The following ARHGEF18 variants were observed in gnomAD, a reference collection of about 807,000 sequenced individuals.
ARHGEF18 encodes rho guanine nucleotide exchange factor 18.
In ARHGEF18, 93 loss-of-function variants were observed where a neutral mutation model predicts 155.7. The ratio of observed to expected loss-of-function variants is 0.60; its 90% CI spans 0.50 to 0.71. The LOEUF (loss-of-function observed/expected upper bound fraction) is 0.71. Ranked by LOEUF, ARHGEF18 falls within the 30% of genes least tolerant of loss-of-function variation. The probability of loss-of-function intolerance (pLI) is 0.00; values close to 1 mark genes in which losing one functional copy is unlikely to be tolerated. For synonymous variants in ARHGEF18, 742 were observed against 753.1 expected (o/e 0.99, Z 0.24); for missense variants, 1,593 against 1,816.1 (o/e 0.88, Z 2.23).
rs1030308521 is a variant in ARHGEF18 at position 7,369,955 on chromosome 19, C to T, written c.16-2857C>T. Among the ~76,000 whole-genome samples the T allele has an allele frequency of 1.2e-4, 18 of 151,280 alleles. No individual in the cohort carries two copies. In the East Asian group the frequency reaches 2.7e-3, roughly 23 times the overall value. ...CTCACGCTTGTAACCCCAGCACTTT[C>T]GGAGGCTGAGCGGGGAGGATCATCT... On this transcript the variant is annotated intron_variant, in intron 2 of 28. Transcript: ENST00000668164.
chr19:7,473,993 A>AG (rs979147435), downstream of ARHGEF18, among the ~76,000 whole-genome samples: 34 of 145,442 alleles, frequency 2.3e-4, no homozygotes, highest in African/African-American at 7.2e-4. Context: ...TAAGAGCTTA[A>AG]AAAAAAAAAA....
intron 10 of ARHGEF18, among the ~76,000 whole-genome samples, chr19:7,405,034 T>A (rs913144033): frequency 3.3e-5 from 5 of 152,100 alleles, no homozygotes; most frequent in Admixed American, 1.3e-4. Context: ...CTTGGCTCAC[T>A]GCAACCTCTG....
At chr19:7,427,153 C>A (rs1973712647) in intron 10 of ARHGEF18, among the ~76,000 whole-genome samples, 1 of 152,154 alleles carries the variant, frequency 6.6e-6, no homozygotes, top group Non-Finnish European at 1.5e-5. Flanking sequence ...GAAAGGCGCA[C>A]ACAGGATGTT....
At chr19:7,380,280 C>T (rs1327167825) in intron 7 of ARHGEF18, among the ~76,000 whole-genome samples, 4 of 151,850 alleles carry the variant, frequency 2.6e-5, no homozygotes, top group African/African-American at 4.8e-5. Context: ...AGATCGAGAC[C>T]ATCCTGACTA....
intron 10 of ARHGEF18, among the ~76,000 whole-genome samples, chr19:7,411,285 T>TTCCTTTCCCTC (rs1972668975): frequency 7.6e-6 from 1 of 131,188 alleles, no homozygotes; most frequent in African/African-American, 2.8e-5. Flanking sequence ...CCTTTCCCTT[T>TTCCTTTCCCTC]CCCTCCCCTC....
intron 10 of ARHGEF18, among the ~76,000 whole-genome samples, chr19:7,429,113 C>G (rs73502886): frequency 0.02 from 2,193 of 107,278 alleles, 57 homozygotes; most frequent in African/African-American, 0.079. Flanking sequence ...GTCGAGGGGC[C>G]GGGGGCTCTG....
rs200904128 is a variant in ARHGEF18, at chr19:7,464,614, G to A, written c.2828G>A (p.Arg943Gln). Residue 943 changes from arginine to glutamine, a missense_variant, in exon 23 of 29, where the codon CGA becomes CAA. By Grantham distance (43) the Arg-to-Gln change is conservative. Coordinates refer to ENST00000668164, the MANE Select transcript of ARHGEF18 (RefSeq NM_001367823.1). Reference protein sequence around the residue: ...SSTDPRPRDWRGPPNSPDLKL... With the variant: ...SSTDPRPRDWQGPPNSPDLKL... ...ACTGACCCCAGGCCCCGAGACTGGC[G>A]AGGCCCCCCAAACAGCCCGGACTTG... is the stretch of plus-strand genomic sequence containing the variant. 55 of 1,613,946 alleles carry A rather than the reference G, an allele frequency of 3.4e-5. 1 individual carries two copies. Among genetic ancestry groups the A allele is most frequent in the South Asian group, 1.6e-4 (15 of 91,078 alleles).
chr19:7,422,884 A>G (rs1973447115), intron 10 of ARHGEF18, among the ~76,000 whole-genome samples: 1 of 151,698 alleles, frequency 6.6e-6, no homozygotes, highest in Admixed American at 6.6e-5. Flanking sequence ...ACACCCAGCT[A>G]CTTTTTGTAT....
Position 7,453,478 on chromosome 19 carries a change from G to A in ARHGEF18, c.1867G>A (p.Asp623Asn), listed in dbSNP as rs1975628825. The change falls in exon 17 of 29, where the codon GAC becomes AAC. Residue 623 changes from aspartate to asparagine, a missense_variant. Physicochemically the swap from Asp to Asn is conservative, Grantham distance 23 (BLOSUM62 1). Coordinates refer to ENST00000668164, the MANE Select transcript of ARHGEF18 (RefSeq NM_001367823.1). ...IIQNTEAGTEDYEDLTQALNL... is the reference protein window; with the variant it reads ...IIQNTEAGTENYEDLTQALNL... The stretch of plus-strand genomic sequence containing the variant: ...GCTATGTGTGGCAGCTGGCACTGAG[G>A]ACTATGAAGACCTGACCCAGGCCTT... 1 of 1,604,634 alleles carries A rather than the reference G, an allele frequency of 6.2e-7. No homozygotes were observed. The highest frequency in any genetic ancestry group is 8.5e-7 in the Non-Finnish European group (1 of 1,173,950).
At chr19:7,405,310 A>T (rs1221837196) in intron 10 of ARHGEF18, among the ~76,000 whole-genome samples, 1 of 152,194 alleles carries the variant, frequency 6.6e-6, no homozygotes, top group Admixed American at 6.5e-5. Flanking sequence ...GCTTGTAGCC[A>T]TGTCATTCCA....
chr19:7,460,692 C>T (rs1037225699), intron 20 of ARHGEF18, among the ~76,000 whole-genome samples: 8 of 152,142 alleles, frequency 5.3e-5, no homozygotes, highest in Non-Finnish European at 4.4e-5. Flanking sequence ...AAGGTTCGCC[C>T]GCGCTCAGTG....
chr19:7,464,338 G>A (rs1600538557), intron 22 of ARHGEF18, among the ~76,000 whole-genome samples: 1 of 152,062 alleles, frequency 6.6e-6, no homozygotes, highest in African/African-American at 2.4e-5. Context: ...GCACCCAGCC[G>A]ATTTTCTGGA....
In ARHGEF18 at chr19:7,462,030, G is replaced by C. The variant is rs1976297707; in HGVS notation, c.2453-122G>C. The C allele has an allele frequency of 3.7e-6, 4 of 1,093,750 alleles. No homozygotes were observed. The Admixed American group carries it at 5.7e-5, about 16-fold the overall frequency. 67.8% of individuals were successfully genotyped at this position (1,093,750 alleles called of 1,614,324 possible). Reference sequence around the variant, plus strand: ...TACCTCCCAGGAATGCAGGACACAAGGGGGCAGCCTACCTCAGGGCAGGGC... The same window carrying C: ...TACCTCCCAGGAATGCAGGACACAACGGGGCAGCCTACCTCAGGGCAGGGC... On this transcript the variant is annotated intron_variant, in intron 20 of 28. Coordinates refer to ENST00000668164, the MANE Select transcript of ARHGEF18 (RefSeq NM_001367823.1). The surrounding 1 kb of genome is among the most constrained non-coding windows in gnomAD (Gnocchi z 4.4).
intron 16 of ARHGEF18, among the ~76,000 whole-genome samples, chr19:7,452,673 T>G (rs1482378086): frequency 6.6e-6 from 1 of 151,452 alleles, no homozygotes; most frequent in Non-Finnish European, 1.5e-5. Context: ...TTCATGTTGG[T>G]CAGGCTGGTC....
At chr19:7,428,683 G>A (rs1334312518) in intron 10 of ARHGEF18, among the ~76,000 whole-genome samples, 2 of 152,068 alleles carry the variant, frequency 1.3e-5, no homozygotes, top group African/African-American at 4.8e-5. Context: ...CTCCAGCCTG[G>A]GCAACAGAGT....
chr19:7,444,196 C>T lies in ARHGEF18; in HGVS notation c.1361-8C>T. The T allele has an allele frequency of 1.2e-6, 2 of 1,610,302 alleles. No individual in the cohort carries two copies. The highest frequency in any genetic ancestry group is 1.7e-6 in the Non-Finnish European group (2 of 1,177,678). ...CATGGCTAAGTCCTGCCGTCTGTGT[C>T]CCTGCAGAGCTGATGCAGACAGAGG... On this transcript the variant is annotated splice_polypyrimidine_tract_variant and splice_region_variant and intron_variant, in intron 13 of 28. Transcript: ENST00000668164. This position sits in a 1 kb window ranked among gnomAD's most constrained non-coding sequence, Gnocchi z 4.7.
intron 10 of ARHGEF18, among the ~76,000 whole-genome samples, chr19:7,415,236 C>T (rs1474475795): frequency 1.3e-5 from 2 of 152,090 alleles, no homozygotes; most frequent in Non-Finnish European, 2.9e-5. Context: ...CCTGGGTTCT[C>T]CCGGGCTTCA....
Position 7,354,378 on chromosome 19 carries a change from G to A in ARHGEF18, c.-111+5137G>A, listed in dbSNP as rs141523674. Reference sequence around the variant, plus strand: ...CCCAGCACTTTGGGAGGCTGATTTGGGGCTGGGGGTGATTTGGGGCTGGGA... The same window carrying A: ...CCCAGCACTTTGGGAGGCTGATTTGAGGCTGGGGGTGATTTGGGGCTGGGA... On this transcript the variant is annotated intron_variant, in intron 1 of 28. Transcript: ENST00000668164. Among the ~76,000 whole-genome samples, 343 of 150,922 alleles carry A rather than the reference G, an allele frequency of 2.3e-3. 2 individuals are homozygous for A. Among genetic ancestry groups the A allele is most frequent in the African/African-American group, 7.8e-3 (323 of 41,488 alleles).
At chr19:7,467,192 G>GCCTGGC (rs1470779707) in intron 25 of ARHGEF18, 22 bp from the exon 26 acceptor site, 1 of 1,580,184 alleles carries the variant, frequency 6.3e-7, no homozygotes, top group African/African-American at 1.3e-5. Context: ...GCTCTCACTC[G>GCCTGGC]CCTGGCCCTG....
Sources: gnomAD v4.1 joint callset for allele counts (sites outside exome capture counted in the v4.1 genomes callset) on GRCh38, gnomAD v4.1.1 for gene constraint, Gnocchi (gnomAD v3.1) non-coding constraint, MANE v1.5 for transcripts, NCBI Gene and HGNC (gene_info 2026-07-23, HGNC 2026-07-21) for gene names.